The following GPC5 variants were observed in gnomAD, a reference collection of about 807,000 sequenced individuals.
GPC5 encodes the protein glypican-5.
In GPC5, 47 loss-of-function variants were observed where a neutral mutation model predicts 53.9. The observed-to-expected ratio is 0.87, with a 90% CI of 0.69 to 1.11. GPC5 has a LOEUF of 1.11. Ranked by LOEUF, GPC5 falls within the 50% of genes most tolerant of loss-of-function variation. The probability of loss-of-function intolerance (pLI) is 0.00; values close to 1 mark genes in which losing one functional copy is unlikely to be tolerated. For synonymous variants in GPC5, 286 were observed against 263.3 expected, an observed-to-expected ratio of 1.09 and a Z score of -0.84; for missense variants, 748 against 713.1, an observed-to-expected ratio of 1.05 and a Z score of -0.56.
intron 5 of GPC5, among the ~76,000 whole-genome samples, chr13:91,878,424 T>C: frequency 6.6e-6 from 1 of 152,230 alleles, no homozygotes; most frequent in East Asian, 1.9e-4. Context: ...TATGCAGGTA[T>C]GATTTCACCT....
At chr13:92,844,269 T>C (rs529283342) in intron 7 of GPC5, among the ~76,000 whole-genome samples, 1 of 152,194 alleles carries the variant, frequency 6.6e-6, no homozygotes, top group African/African-American at 2.4e-5. Context: ...TTCTCAGTCA[T>C]AGGGAAATGA....
intron 7 of GPC5, among the ~76,000 whole-genome samples, chr13:92,361,324 A>G (rs1463302351): frequency 6.6e-6 from 1 of 151,702 alleles, no homozygotes; most frequent in Non-Finnish European, 1.5e-5. Context: ...TTTGACTTCT[A>G]TCTGATCAAT....
At chr13:92,238,107 A>G (rs569066574) in intron 7 of GPC5, among the ~76,000 whole-genome samples, 129 of 152,010 alleles carry the variant, frequency 8.5e-4, no homozygotes, top group African/African-American at 2.9e-3. Context: ...TTTGTTTGTT[A>G]TAAAAACGCT....
intron 2 of GPC5, among the ~76,000 whole-genome samples, chr13:91,451,436 A>G (rs1008501183): frequency 5.9e-5 from 9 of 152,068 alleles, no homozygotes; most frequent in African/African-American, 1.7e-4. Context: ...AGGGCACACT[A>G]TTGTTAGATG....
chr13:92,482,362 C>T (rs1879390476), intron 7 of GPC5, among the ~76,000 whole-genome samples: 1 of 152,148 alleles, frequency 6.6e-6, no homozygotes, highest in Admixed American at 6.6e-5. Context: ...TTCCCACTCG[C>T]CCCTATCTTA....
At chr13:92,096,302 C>A (rs1055169737) in intron 6 of GPC5, among the ~76,000 whole-genome samples, 11 of 152,176 alleles carry the variant, frequency 7.2e-5, no homozygotes, top group Non-Finnish European at 1.3e-4. Flanking sequence ...TGACTTCTTG[C>A]CAAATATTCA....
intron 2 of GPC5, among the ~76,000 whole-genome samples, chr13:91,459,492 C>G (rs1189626362): frequency 8.4e-6 from 1 of 119,242 alleles, no homozygotes; most frequent in East Asian, 4.2e-4. Flanking sequence ...CCCAGGGCAT[C>G]CTGATAATGG....
intron 5 of GPC5, among the ~76,000 whole-genome samples, chr13:91,878,387 T>C (rs971354014): frequency 6.6e-6 from 1 of 152,184 alleles, no homozygotes; most frequent in Admixed American, 6.5e-5. Flanking sequence ...GTAAGTAGTA[T>C]TTGTCAAACT....
intron 6 of GPC5, among the ~76,000 whole-genome samples, chr13:92,122,999 C>T (rs576626417): frequency 1.3e-5 from 2 of 152,034 alleles, no homozygotes; most frequent in Admixed American, 6.5e-5. Context: ...AATAACTATT[C>T]TTTGATACTG....
rs2036994497 is a variant in GPC5, at chr13:91,744,039, A to G, written c.1155-12256A>G. 2.9e-3 allele frequency among the ~76,000 whole-genome samples: 4 copies of G among 1,360 alleles called. No individual in the cohort carries two copies. The South Asian group carries it at 0.25, about 85-fold the overall frequency. The allele number at this position is 1,360 out of a possible 152,430, so 0.9% of individuals were successfully genotyped here. A position where few individuals can be genotyped will look rare whatever the true frequency, so the allele number is the denominator to read the frequency against. Reference sequence around the variant, plus strand: ...CAGCAAGATTCTTGTTATATAAGGAACACTAACTTTGGGATCTTGTAAACT... The same window carrying G: ...CAGCAAGATTCTTGTTATATAAGGAGCACTAACTTTGGGATCTTGTAAACT... On this transcript the variant is annotated intron_variant, in intron 4 of 7. Transcript: ENST00000377067.
intron 7 of GPC5, among the ~76,000 whole-genome samples, chr13:92,262,791 C>T (rs541370043): frequency 1.3e-5 from 2 of 152,246 alleles, no homozygotes; most frequent in African/African-American, 4.8e-5. Context: ...AAATATGCTT[C>T]TTGCAAAGTC....
At chr13:91,845,128 C>T (rs540203644) in intron 5 of GPC5, among the ~76,000 whole-genome samples, 1 of 152,204 alleles carries the variant, frequency 6.6e-6, no homozygotes, top group South Asian at 2.1e-4. Context: ...GTAATAAGCT[C>T]ATGGATTCCT....
At chr13:92,391,561 C>A (rs1875004574) in intron 7 of GPC5, among the ~76,000 whole-genome samples, 1 of 152,054 alleles carries the variant, frequency 6.6e-6, no homozygotes, top group South Asian at 2.1e-4. Context: ...TGGAATATTC[C>A]AAAGGCTCTA....
At chr13:92,831,676 G>A (rs1035305841) in intron 7 of GPC5, among the ~76,000 whole-genome samples, 3 of 152,102 alleles carry the variant, frequency 2.0e-5, no homozygotes, top group Non-Finnish European at 4.4e-5. Context: ...TGATAGAAAA[G>A]CCCACAAAGA....
At chr13:92,182,159 G>A (rs17233753) in intron 7 of GPC5, among the ~76,000 whole-genome samples, 31,406 of 151,914 alleles carry the variant, frequency 0.21, 4,185 homozygotes, top group East Asian at 0.64. Flanking sequence ...TAATGGTTTC[G>A]GATTATATTA....
intron 4 of GPC5, among the ~76,000 whole-genome samples, chr13:91,745,364 G>T (rs2037025792): frequency 6.6e-6 from 1 of 152,044 alleles, no homozygotes; most frequent in African/African-American, 2.4e-5. Flanking sequence ...TCCAGCTCAA[G>T]GCTAGAATCA....
At chr13:92,349,595 C>G (rs1447754442) in intron 7 of GPC5, among the ~76,000 whole-genome samples, 1 of 151,620 alleles carries the variant, frequency 6.6e-6, no homozygotes, top group Non-Finnish European at 1.5e-5. Flanking sequence ...ATAATAGAAT[C>G]ATAAGCAACT....
intron 6 of GPC5, among the ~76,000 whole-genome samples, chr13:92,128,817 G>T (rs1407721341): frequency 6.6e-6 from 1 of 152,120 alleles, no homozygotes; most frequent in Non-Finnish European, 1.5e-5. Flanking sequence ...ACAAAAATTA[G>T]CTGTGCGTGG....
chr13:91,435,152 C>T (rs1594085596), intron 1 of GPC5, among the ~76,000 whole-genome samples: 3 of 152,180 alleles, frequency 2.0e-5, no homozygotes, highest in Admixed American at 2.0e-4. Context: ...ATTTGACTTT[C>T]TGTTTTCCTA....
Sources: gnomAD v4.1 joint callset for allele counts (sites outside exome capture counted in the v4.1 genomes callset) on GRCh38, gnomAD v4.1.1 for gene constraint, MANE v1.5 for transcripts, NCBI Gene and HGNC (gene_info 2026-07-23, HGNC 2026-07-21) for gene names.